The following LHFPL6 variants were observed in gnomAD, a reference collection of about 807,000 sequenced individuals.
LHFPL6 encodes the protein LHFPL tetraspan subfamily member 6.
LHFPL6 carries 9 observed loss-of-function variants against 20.6 expected under a neutral mutation model. The observed-to-expected ratio is 0.44, with a 90% CI of 0.26 to 0.76. The LOEUF (loss-of-function observed/expected upper bound fraction) is 0.76. LHFPL6 is among the 30% of genes least tolerant of loss of function. The probability of loss-of-function intolerance (pLI) is 0.20; values close to 1 mark genes in which losing one functional copy is unlikely to be tolerated. For synonymous variants in LHFPL6, 105 were observed against 98.7 expected (o/e 1.06, Z -0.38); for missense variants, 218 against 253.5 (o/e 0.86, Z 0.95).
intron 2 of LHFPL6, among the ~76,000 whole-genome samples, chr13:39,553,548 CA>C (rs997929379): frequency 2.0e-5 from 3 of 150,966 alleles, no homozygotes; most frequent in South Asian, 2.1e-4. Flanking sequence ...TTCATCTCTA[CA>C]AAAAAAAATA....
chr13:39,537,515 C>T (rs1467775872), intron 2 of LHFPL6, among the ~76,000 whole-genome samples: 2 of 152,156 alleles, frequency 1.3e-5, no homozygotes, highest in East Asian at 3.9e-4. Context: ...TTTAAAACTG[C>T]ATTCAAATTT....
intron 2 of LHFPL6, among the ~76,000 whole-genome samples, chr13:39,393,907 A>T (rs1870773270): frequency 6.6e-6 from 1 of 152,134 alleles, no homozygotes; most frequent in Non-Finnish European, 1.5e-5. Flanking sequence ...CTAAGCAGAC[A>T]TCCCTAATGT....
rs540664605 is a variant in LHFPL6, at chr13:39,498,146, T to C, written c.385+102686A>G. Among the ~76,000 whole-genome samples, 15 of 152,364 alleles carry C rather than the reference T, an allele frequency of 9.8e-5. No individual in the cohort carries two copies. In the South Asian group the frequency reaches 1.7e-3, roughly 17 times the overall value. On this transcript the variant is annotated intron_variant, in intron 2 of 3. Coordinates refer to ENST00000379589, the MANE Select transcript of LHFPL6 (RefSeq NM_005780.3). ...GTATCTCTTTAATTTCCAAGTATTT[T>C]ACTCTGCTTCTGGTGATTACTCCCA...
intron 2 of LHFPL6, among the ~76,000 whole-genome samples, chr13:39,592,252 T>C (rs1410604447): frequency 6.6e-6 from 1 of 152,028 alleles, no homozygotes; most frequent in Non-Finnish European, 1.5e-5. Context: ...CTGGTGACCA[T>C]GACAATTTGG....
Position 39,351,010 on chromosome 13 carries a change from A to G in LHFPL6, c.485-6956T>C, listed in dbSNP as rs73173467. On this transcript the variant is annotated intron_variant, in intron 3 of 3. Coordinates refer to ENST00000379589, the MANE Select transcript of LHFPL6 (RefSeq NM_005780.3). ...CCAGTGATCGTTTCATCTTTTAAGG[A>G]CACTGGAGTTTAACCTCTGCCTTTT... is the stretch of plus-strand genomic sequence containing the variant. Among the ~76,000 whole-genome samples, 309 of 152,290 alleles carry G rather than the reference A, an allele frequency of 2.0e-3. 3 individuals carry two copies. Among genetic ancestry groups the G allele is most frequent in the South Asian group, 5.8e-3 (28 of 4,828 alleles).
intron 3 of LHFPL6, among the ~76,000 whole-genome samples, chr13:39,371,839 T>C (rs576375640): frequency 2.0e-5 from 3 of 152,320 alleles, no homozygotes; most frequent in South Asian, 4.1e-4. Context: ...AGCGGACACA[T>C]GACAAAGCTG....
intron 3 of LHFPL6, among the ~76,000 whole-genome samples, chr13:39,345,192 C>G (rs1295082150): frequency 6.6e-6 from 1 of 152,148 alleles, no homozygotes; most frequent in Non-Finnish European, 1.5e-5. Context: ...TTGGATTTCA[C>G]AGTCACTGAA....
chr13:39,375,564 G>A (rs1870269871), intron 3 of LHFPL6, among the ~76,000 whole-genome samples: 1 of 152,060 alleles, frequency 6.6e-6, no homozygotes, highest in African/African-American at 2.4e-5. Context: ...GGTGGCGGGT[G>A]CCTGTAATCT....
intron 2 of LHFPL6, among the ~76,000 whole-genome samples, chr13:39,548,673 AG>A (rs1320048676): frequency 2.6e-5 from 4 of 152,116 alleles, no homozygotes; most frequent in Non-Finnish European, 5.9e-5. Flanking sequence ...AGATAGAAAA[AG>A]TTTTTCAAAA....
In LHFPL6 at chr13:39,454,395, C is replaced by A. The variant is rs1206645025; in HGVS notation, c.386-75869G>T. Among the ~76,000 whole-genome samples the A allele has an allele frequency of 1.2e-4, 4 of 32,892 alleles. 1 individual carries two copies. Among genetic ancestry groups the A allele is most frequent in the Non-Finnish European group, 2.0e-4 (4 of 19,890 alleles). 21.6% of individuals were successfully genotyped at this position (32,892 alleles called of 152,430 possible). A position where few individuals can be genotyped will look rare whatever the true frequency, so the allele number is the denominator to read the frequency against. ...CTGTAATCCCAGCACTTTGGGAGGC[C>A]GAGGCGGGCGGATCATGAGGTCAGG... On this transcript the variant is annotated intron_variant, in intron 2 of 3. Transcript: ENST00000379589.
intron 2 of LHFPL6, among the ~76,000 whole-genome samples, chr13:39,482,629 G>C (rs1161508308): frequency 4.6e-5 from 7 of 152,264 alleles, no homozygotes; most frequent in African/African-American, 1.4e-4. Flanking sequence ...TAGTAAAGTG[G>C]ACAGAGAATT....
rs1293698518 is a variant in LHFPL6 at position 39,352,913 on chromosome 13, A to ATATATATGTGTG, written c.485-8860_485-8859insCACACATATATA. On this transcript the variant is annotated intron_variant, in intron 3 of 3. Transcript: ENST00000379589. ...TATATGTGTATATATATATAAATGTATATATATATAAATGTATATATATGT... is the reference window on the plus strand; with the variant it reads ...TATATGTGTATATATATATAAATGTATATATATGTGTGTATATATATAAATGTATATATATGT... 3.7e-5 allele frequency among the ~76,000 whole-genome samples: 2 copies of ATATATATGTGTG among 54,004 alleles called. 1 individual carries two copies. Among genetic ancestry groups the ATATATATGTGTG allele is most frequent in the South Asian group, 1.6e-3 (2 of 1,230 alleles). 35.4% of individuals were successfully genotyped at this position (54,004 alleles called of 152,430 possible).
intron 2 of LHFPL6, among the ~76,000 whole-genome samples, chr13:39,449,833 CAAA>C (rs34024514): frequency 0.37 from 49,535 of 133,290 alleles, 8,687 homozygotes; most frequent in African/African-American, 0.49. Flanking sequence ...CTGAAAGTAG[CAAA>C]AAAAAAAAAA....
intron 3 of LHFPL6, among the ~76,000 whole-genome samples, chr13:39,353,954 T>TA (rs2138339576): frequency 6.6e-6 from 1 of 152,276 alleles, no homozygotes; most frequent in African/African-American, 2.4e-5. Context: ...AAGGTGTGTG[T>TA]AATGGTAGAA....
chr13:39,402,051 A>G (rs573369849), intron 2 of LHFPL6, among the ~76,000 whole-genome samples: 3 of 152,346 alleles, frequency 2.0e-5, no homozygotes, highest in African/African-American at 7.2e-5. Flanking sequence ...ATGTGTTGGA[A>G]AAGTAGAAAA....
intron 2 of LHFPL6, among the ~76,000 whole-genome samples, chr13:39,573,761 C>A (rs1872011063): frequency 6.6e-6 from 1 of 151,782 alleles, no homozygotes; most frequent in Non-Finnish European, 1.5e-5. Flanking sequence ...TAAATTCCTT[C>A]CAATATTAAT....
intron 3 of LHFPL6, among the ~76,000 whole-genome samples, chr13:39,367,579 G>C (rs1214836029): frequency 3.9e-5 from 6 of 152,188 alleles, no homozygotes; most frequent in Non-Finnish European, 8.8e-5. Context: ...ATTGTTGGGA[G>C]GTGAGGTCTA....
At chr13:39,569,831 G>A (rs1871856262) in intron 2 of LHFPL6, among the ~76,000 whole-genome samples, 1 of 152,134 alleles carries the variant, frequency 6.6e-6, no homozygotes, top group Non-Finnish European at 1.5e-5. Flanking sequence ...AAATGAGCAG[G>A]AGGCACAAGC....
chr13:39,479,466 G>C (rs1013503998), intron 2 of LHFPL6, among the ~76,000 whole-genome samples: 4 of 152,096 alleles, frequency 2.6e-5, no homozygotes, highest in Non-Finnish European at 5.9e-5. Context: ...TGGGATCACT[G>C]CAAAGCTGCT....
Sources: allele counts gnomAD v4.1 joint callset (sites outside exome capture counted in the v4.1 genomes callset), GRCh38; gene constraint gnomAD v4.1.1; transcripts MANE v1.5; gene names NCBI Gene and HGNC (gene_info 2026-07-23, HGNC 2026-07-21).